The following LYN variants were observed in gnomAD, a reference collection of about 807,000 sequenced individuals.
The protein encoded by LYN is tyrosine-protein kinase Lyn.
Under a neutral mutation model 65.0 loss-of-function variants are expected in LYN, and 12 were observed. The ratio of observed to expected loss-of-function variants is 0.18; its 90% CI spans 0.12 to 0.30. The LOEUF is 0.30. Among genes scored for constraint, LYN ranks in the 10% least tolerant of loss-of-function variants. The probability of loss-of-function intolerance (pLI) is 1.00; values close to 1 mark genes in which losing one functional copy is unlikely to be tolerated. For missense variants in LYN, 380 were observed against 623.2 expected, an observed-to-expected ratio of 0.61 and a Z score of 4.16; for synonymous variants, 222 against 221.2, an observed-to-expected ratio of 1.00 and a Z score of -0.03.
intron 1 of LYN, among the ~76,000 whole-genome samples, chr8:55,929,081 T>C (rs1806191032): frequency 6.6e-6 from 1 of 152,240 alleles, no homozygotes; most frequent in South Asian, 2.1e-4. Context: ...CTTTGCTCTT[T>C]TTGAAAGATC....
chr8:55,952,174 C>T (rs1230414527), intron 7 of LYN, 59 bp downstream of exon 7: 16 of 1,362,112 alleles, frequency 1.2e-5, no homozygotes, highest in South Asian at 8.8e-5. Flanking sequence ...ATGTATAAGA[C>T]GTCAAACGCT....
chr8:55,973,608 G>T (rs1013472190), intron 10 of LYN, among the ~76,000 whole-genome samples: 1 of 152,224 alleles, frequency 6.6e-6, no homozygotes, highest in African/African-American at 2.4e-5. Context: ...TCATAGACAT[G>T]TCAAACTGAG....
Position 55,944,404 on chromosome 8 carries a change from G to T in LYN, c.133-2044G>T, listed in dbSNP as rs937618657. On this transcript the variant is annotated intron_variant, in intron 2 of 12. Transcript: ENST00000519728. ...ATAGACATCAGAGTTCTCAAAAAAAGATCTGATTTTTCTCATACCATATGC... is the reference window on the plus strand; with the variant it reads ...ATAGACATCAGAGTTCTCAAAAAAATATCTGATTTTTCTCATACCATATGC... 5.3e-5 allele frequency among the ~76,000 whole-genome samples: 8 copies of T among 152,182 alleles called. No homozygotes were observed. In the East Asian group the frequency reaches 1.5e-3, roughly 29 times the overall value.
intron 1 of LYN, among the ~76,000 whole-genome samples, chr8:55,912,256 G>T (rs1224901393): frequency 6.6e-6 from 1 of 152,182 alleles, no homozygotes; most frequent in African/African-American, 2.4e-5. Context: ...AGGATGCATT[G>T]CTAGGCATAA....
chr8:55,945,207 G>A (rs1003398773), intron 2 of LYN, among the ~76,000 whole-genome samples: 3 of 152,142 alleles, frequency 2.0e-5, no homozygotes, highest in African/African-American at 7.2e-5. Context: ...CATGTGTTTC[G>A]GTCTTATAAA....
intron 10 of LYN, among the ~76,000 whole-genome samples, chr8:55,992,152 G>A (rs1472111878): frequency 6.6e-6 from 1 of 152,162 alleles, no homozygotes; most frequent in African/African-American, 2.4e-5. Context: ...GGGTTTTCTT[G>A]TCTTTGTTCA....
Position 56,011,483 on chromosome 8 carries a change from A to G in LYN, c.*1373A>G, listed in dbSNP as rs936869105. ...GTTAGAAGTGATTCAACAGAGCTAC[A>G]TGCTTTAAACTTGCCCAAGTTCTAC... On this transcript the variant is annotated 3_prime_UTR_variant, in exon 13 of 13. Coordinates refer to ENST00000519728, the MANE Select transcript of LYN (RefSeq NM_002350.4). 6 of 201,334 alleles carry G rather than the reference A, an allele frequency of 3.0e-5. No homozygotes were observed. Among genetic ancestry groups the G allele is most frequent in the Admixed American group, 6.0e-5 (1 of 16,700 alleles). 12.5% of individuals were successfully genotyped at this position (201,334 alleles called of 1,614,324 possible). A position where few individuals can be genotyped will look rare whatever the true frequency, so the allele number is the denominator to read the frequency against.
intron 1 of LYN, among the ~76,000 whole-genome samples, chr8:55,899,950 C>T (rs1340246534): frequency 2.6e-5 from 4 of 152,280 alleles, no homozygotes; most frequent in African/African-American, 9.6e-5. Flanking sequence ...CTTATCATCC[C>T]TTTTCTGCAG....
chr8:55,993,552 C>T (rs1808301768), intron 10 of LYN, among the ~76,000 whole-genome samples: 1 of 152,170 alleles, frequency 6.6e-6, no homozygotes. Context: ...TGGGAGCATT[C>T]CCCTTCACTC....
At chr8:55,894,054 G>A (rs1441917235) in intron 1 of LYN, 2 of 152,112 alleles carry the variant, frequency 1.3e-5, no homozygotes, top group East Asian at 3.9e-4. Context: ...CTTTCTGTGG[G>A]ACCCACTAAG....
intron 10 of LYN, among the ~76,000 whole-genome samples, chr8:55,983,464 C>A (rs899938237): frequency 1.6e-4 from 24 of 152,302 alleles, no homozygotes; most frequent in African/African-American, 5.8e-4. Context: ...CTACCTCAGC[C>A]TCCAGGTGTC....
At chr8:55,895,456 AG>A (rs11354604) in intron 1 of LYN, 59,004 of 151,816 alleles carry the variant, frequency 0.39, 12,180 homozygotes, top group East Asian at 0.68. Flanking sequence ...GGGGTGTCTG[AG>A]GAGCAGCATG....
At chr8:55,957,585 G>A (rs569699391) in intron 8 of LYN, among the ~76,000 whole-genome samples, 1 of 152,308 alleles carries the variant, frequency 6.6e-6, no homozygotes, top group East Asian at 1.9e-4. Context: ...GACAAGTAAA[G>A]TGAACAAAGT....
chr8:55,975,407 T>A (rs1807725419), intron 10 of LYN, among the ~76,000 whole-genome samples: 1 of 152,196 alleles, frequency 6.6e-6, no homozygotes, highest in South Asian at 2.1e-4. Flanking sequence ...AGGCACAGGT[T>A]GGGTTTCCCA....
intron 10 of LYN, among the ~76,000 whole-genome samples, chr8:55,977,231 G>C (rs150455605): frequency 1.6e-4 from 25 of 152,236 alleles, no homozygotes; most frequent in African/African-American, 5.1e-4. Context: ...TTCATTCTCA[G>C]TTGTGGAAGA....
intron 12 of LYN, among the ~76,000 whole-genome samples, chr8:56,000,226 T>G (rs1808476729): frequency 6.6e-6 from 1 of 152,112 alleles, no homozygotes. Context: ...TTCCGATGCT[T>G]GGTTTTGTAA....
chr8:56,011,408 T>G lies in LYN; in HGVS notation c.*1298T>G, dbSNP rs1808813941. On this transcript the variant is annotated 3_prime_UTR_variant, in exon 13 of 13. Transcript: ENST00000519728. The stretch of plus-strand genomic sequence containing the variant: ...CTCAAGCTTTTTATTTGCATTTACA[T>G]TTTCAGCTGTGGTCAGTGTAAAAAT... 1 of 210,096 alleles carries G rather than the reference T, an allele frequency of 4.8e-6. No individual in the cohort carries two copies. The highest frequency in any genetic ancestry group is 1.9e-4 in the South Asian group (1 of 5,328). 13.0% of individuals were successfully genotyped at this position (210,096 alleles called of 1,614,324 possible). A position where few individuals can be genotyped will look rare whatever the true frequency, so the allele number is the denominator to read the frequency against.
intron 10 of LYN, among the ~76,000 whole-genome samples, chr8:55,991,149 G>A (rs972560783): frequency 1.3e-5 from 2 of 152,232 alleles, no homozygotes; most frequent in African/African-American, 4.8e-5. Context: ...TCTGCCACCA[G>A]CCCTGACAGC....
At position 55,996,497 on chromosome 8, in the gene LYN, A is replaced by C. The variant is rs77846507; in HGVS notation, c.1051-1849A>C. Among the ~76,000 whole-genome samples, 15 of 152,324 alleles carry C rather than the reference A, an allele frequency of 9.8e-5. 1 individual carries two copies. The East Asian group carries it at 2.9e-3, about 29-fold the overall frequency. On this transcript the variant is annotated intron_variant, in intron 10 of 12. Coordinates refer to ENST00000519728, the MANE Select transcript of LYN (RefSeq NM_002350.4). ...AAAATTCGAATCAGAGTTTTCTCTAACTGCTTACCAGATAAACTACTACTT... is the reference window on the plus strand; with the variant it reads ...AAAATTCGAATCAGAGTTTTCTCTACCTGCTTACCAGATAAACTACTACTT...
Sources: allele counts gnomAD v4.1 joint callset (sites outside exome capture counted in the v4.1 genomes callset), GRCh38; gene constraint gnomAD v4.1.1; transcripts MANE v1.5; gene names NCBI Gene and HGNC (gene_info 2026-07-23, HGNC 2026-07-21).